The following TBC1D4 variants were observed in gnomAD, a reference collection of about 807,000 sequenced individuals.
TBC1D4 encodes TBC1 domain family member 4, also known as TBC (Tre-2, BUB2, CDC16) domain-containing protein.
In TBC1D4, 121 loss-of-function variants were observed where a neutral mutation model predicts 142.5. The observed-to-expected ratio is 0.85, with a 90% CI of 0.73 to 0.99. The LOEUF is 0.99. TBC1D4 is among the 50% of genes least tolerant of loss of function. TBC1D4 has a pLI of 0.00. For missense variants in TBC1D4, 1,475 were observed against 1,606.6 expected, an observed-to-expected ratio of 0.92 and a Z score of 1.40; for synonymous variants, 630 against 628.2, an observed-to-expected ratio of 1.00 and a Z score of -0.04.
At chr13:75,366,684 A>C (rs1014885410) in intron 1 of TBC1D4, among the ~76,000 whole-genome samples, 2 of 168 alleles carry the variant, frequency 0.012, no homozygotes, top group Non-Finnish European at 0.018. Context: ...ACTCTAGACA[A>C]AAAAAAAAAA....
At chr13:75,340,992 C>T (rs1017706476) in intron 7 of TBC1D4, 133 bp downstream of exon 7, 7 of 758,512 alleles carry the variant, frequency 9.2e-6, no homozygotes, top group South Asian at 2.9e-5. Context: ...AAATGCTGGG[C>T]GGGGGAGTGA....
chr13:75,481,253 C>G lies in TBC1D4; in HGVS notation c.498+17G>C. On this transcript the variant is annotated intron_variant, in intron 1 of 20. Coordinates refer to ENST00000377636, the MANE Select transcript of TBC1D4 (RefSeq NM_014832.5). ...CAAGGCCGAGCCCGCCCCCGCGCCTCCGAGCCCCTGTCTTGCCTGGCTGGG... is the reference window on the plus strand; with the variant it reads ...CAAGGCCGAGCCCGCCCCCGCGCCTGCGAGCCCCTGTCTTGCCTGGCTGGG... 6.2e-7 allele frequency: 1 copy of G among 1,610,108 alleles called. No homozygotes were observed. The highest frequency in any genetic ancestry group is 8.5e-7 in the Non-Finnish European group (1 of 1,177,798).
intron 13 of TBC1D4, 35 bp downstream of exon 13, chr13:75,312,703 A>T (rs1480979570): frequency 1.2e-6 from 2 of 1,613,784 alleles, no homozygotes. Context: ...TCTGACACTC[A>T]GAGGGATAAA....
Position 75,345,536 on chromosome 13 carries a change from T to G in TBC1D4, c.1408+3634A>C, listed in dbSNP as rs145819360. 3.1e-3 allele frequency among the ~76,000 whole-genome samples: 478 copies of G among 152,288 alleles called. 1 individual carries two copies. Among genetic ancestry groups the G allele is most frequent in the African/African-American group, 0.011 (445 of 41,552 alleles). Reference sequence around the variant, plus strand: ...AAGTTTCAGAGTCCCTTCGAGATTTTGGGAAGGGCCCTAACAATTCTGAAT... The same window carrying G: ...AAGTTTCAGAGTCCCTTCGAGATTTGGGGAAGGGCCCTAACAATTCTGAAT... On this transcript the variant is annotated intron_variant, in intron 5 of 20. Coordinates refer to ENST00000377636, the MANE Select transcript of TBC1D4 (RefSeq NM_014832.5).
chr13:75,474,488 G>A (rs561978502), intron 1 of TBC1D4, among the ~76,000 whole-genome samples: 2 of 152,284 alleles, frequency 1.3e-5, no homozygotes. Context: ...GAACCCGGAA[G>A]GCGGAGCTTG....
intron 1 of TBC1D4, among the ~76,000 whole-genome samples, chr13:75,456,269 G>A (rs1478030507): frequency 6.6e-6 from 1 of 152,228 alleles, no homozygotes; most frequent in East Asian, 1.9e-4. Flanking sequence ...AGGTGTTTGG[G>A]ATAAGCAATG....
intron 5 of TBC1D4, among the ~76,000 whole-genome samples, chr13:75,346,731 C>T (rs1380172005): frequency 1.3e-5 from 2 of 151,942 alleles, no homozygotes; most frequent in Admixed American, 6.6e-5. Flanking sequence ...AGACTGCCTT[C>T]CTGAAAGTGA....
chr13:75,444,229 TCC>T (rs747089814), intron 1 of TBC1D4, among the ~76,000 whole-genome samples: 5 of 152,160 alleles, frequency 3.3e-5, no homozygotes, highest in Admixed American at 6.5e-5. Flanking sequence ...GCTCAAGAGA[TCC>T]TTCCACCTCA....
rs564194613 is a variant in TBC1D4 at position 75,330,816 on chromosome 13, C to T, written c.1732-2990G>A. 1.9e-4 allele frequency among the ~76,000 whole-genome samples: 29 copies of T among 152,336 alleles called. 1 individual carries two copies. The South Asian group carries it at 6.0e-3, about 32-fold the overall frequency. ...GTTATAATTGGCATCCTTCCAATAA[C>T]AAAAACTCTATTTGTGGCTAATAAA... On this transcript the variant is annotated intron_variant, in intron 8 of 20. Coordinates refer to ENST00000377636, the MANE Select transcript of TBC1D4 (RefSeq NM_014832.5).
intron 1 of TBC1D4, among the ~76,000 whole-genome samples, chr13:75,394,774 G>C (rs1309576986): frequency 6.6e-6 from 1 of 152,204 alleles, no homozygotes; most frequent in Non-Finnish European, 1.5e-5. Context: ...ATGATTCTGA[G>C]CACTGCAAAT....
At chr13:75,432,205 T>A (rs1221494983) in intron 1 of TBC1D4, among the ~76,000 whole-genome samples, 1 of 152,120 alleles carries the variant, frequency 6.6e-6, no homozygotes, top group Non-Finnish European at 1.5e-5. Flanking sequence ...GAGAATGGTA[T>A]CTAGTGTGAA....
intron 1 of TBC1D4, among the ~76,000 whole-genome samples, chr13:75,460,060 A>G (rs1887898183): frequency 1.3e-5 from 2 of 152,010 alleles, no homozygotes; most frequent in African/African-American, 4.8e-5. Flanking sequence ...GGAGAATGGC[A>G]TGAACCTGGG....
At chr13:75,303,802 T>C (rs1200864064) in intron 15 of TBC1D4, among the ~76,000 whole-genome samples, 1 of 152,224 alleles carries the variant, frequency 6.6e-6, no homozygotes, top group Non-Finnish European at 1.5e-5. Context: ...CAGTCCCTGA[T>C]GTATACTAGA....
At chr13:75,379,980 A>G (rs930428520) in intron 1 of TBC1D4, among the ~76,000 whole-genome samples, 8 of 137,082 alleles carry the variant, frequency 5.8e-5, no homozygotes, top group African/African-American at 2.2e-4. Flanking sequence ...GTCTTGGCTC[A>G]CCGCAATCTC....
Position 75,326,289 on chromosome 13 carries a change from AG to A in TBC1D4, c.1940del (p.Pro647LeufsTer8). 1.9e-6 allele frequency: 3 copies of A among 1,614,118 alleles called. No individual in the cohort carries two copies. The highest frequency in any genetic ancestry group is 2.5e-6 in the Non-Finnish European group (3 of 1,180,020). The stretch of plus-strand genomic sequence containing the variant: ...AATTCAGCTTTCTCTTTGTGCTTGA[AG>A]GTGGGTGGCTGAACGTGTGTGCCCG... Reference protein sequence around the residue: ...RRRAHTFSHPPSSTKRKLNLQ... With the variant: ...RRRAHTFSHPXSSTKRKLNLQ... On this transcript the variant is annotated frameshift_variant, in exon 10 of 21. Transcript: ENST00000377636. LOFTEE classifies it high-confidence loss of function.
At chr13:75,450,785 C>T (rs1322933175) in intron 1 of TBC1D4, among the ~76,000 whole-genome samples, 1 of 152,312 alleles carries the variant, frequency 6.6e-6, no homozygotes, top group East Asian at 1.9e-4. Flanking sequence ...CAAGCCCCAC[C>T]TTTAATCACA....
At chr13:75,389,814 A>G (rs1202091111) in intron 1 of TBC1D4, among the ~76,000 whole-genome samples, 2 of 152,224 alleles carry the variant, frequency 1.3e-5, no homozygotes, top group East Asian at 3.8e-4. Flanking sequence ...TGCTAGTCAG[A>G]TGTGGACAAG....
rs971509300 is a variant in TBC1D4, at chr13:75,327,806, A to C, written c.1752T>G (p.Gly584=). ...CAAAACTGTCCACACTTCCAAGCCG[A>C]CCTCTCATTCTGTTAGCTCCCTGAG... The part of the protein sequence containing the change: ...IFSRGANRMR[G]RLGSVDSFER... The change falls in exon 9 of 21, where the codon GGT becomes GGG. Residue 584 remains glycine (G), a synonymous_variant. Transcript: ENST00000377636. The C allele has an allele frequency of 6.2e-7, 1 of 1,613,944 alleles. No homozygotes were observed. Among genetic ancestry groups the C allele is most frequent in the Non-Finnish European group, 8.5e-7 (1 of 1,179,890 alleles).
intron 4 of TBC1D4, among the ~76,000 whole-genome samples, chr13:75,353,927 A>G (rs1881824115): frequency 6.6e-6 from 1 of 152,168 alleles, no homozygotes; most frequent in Admixed American, 6.5e-5. Flanking sequence ...CATGCAGTGA[A>G]TGGGGACCTC....
Sources: gnomAD v4.1 joint callset for allele counts (sites outside exome capture counted in the v4.1 genomes callset) on GRCh38, gnomAD v4.1.1 for gene constraint, MANE v1.5 for transcripts, NCBI Gene and HGNC (gene_info 2026-07-23, HGNC 2026-07-21) for gene names.